Variants in TFCP2L1 observed in about 807,000 individuals in gnomAD.
TFCP2L1 encodes the protein transcription factor CP2-like protein 1.
In TFCP2L1, 12 loss-of-function variants were observed where a neutral mutation model predicts 72.2. The ratio of observed to expected loss-of-function variants is 0.17; its 90% CI spans 0.11 to 0.27. The LOEUF (loss-of-function observed/expected upper bound fraction) is 0.27. TFCP2L1 is among the 10% of genes least tolerant of loss of function. The pLI is 1.00. For synonymous variants in TFCP2L1, 260 were observed against 251.0 expected, an observed-to-expected ratio of 1.04 and a Z score of -0.34; for missense variants, 488 against 624.6, an observed-to-expected ratio of 0.78 and a Z score of 2.33.
At chr2:121,279,963 T>A (rs375719356) in intron 2 of TFCP2L1, among the ~76,000 whole-genome samples, 45 of 152,128 alleles carry the variant, frequency 3.0e-4, no homozygotes, top group African/African-American at 1.0e-3. Context: ...CAAATCCACA[T>A]GATGCCAGGG....
intron 1 of TFCP2L1, among the ~76,000 whole-genome samples, chr2:121,282,005 T>C (rs1687273778): frequency 6.6e-6 from 1 of 151,958 alleles, no homozygotes; most frequent in African/African-American, 2.4e-5. Context: ...TGATCTCGGC[T>C]CACTACAACC....
intron 2 of TFCP2L1, among the ~76,000 whole-genome samples, chr2:121,258,234 C>T (rs569796088): frequency 8.5e-5 from 13 of 152,278 alleles, no homozygotes; most frequent in African/African-American, 2.9e-4. Context: ...AATGGGCCCT[C>T]GCCTCACACA....
intron 1 of TFCP2L1, among the ~76,000 whole-genome samples, chr2:121,283,645 G>C (rs1244619420): frequency 6.6e-6 from 1 of 152,096 alleles, no homozygotes; most frequent in South Asian, 2.1e-4. Context: ...GTTCCCTAAC[G>C]GGGTGAGGAC....
chr2:121,225,910 G>A (rs921718787), intron 13 of TFCP2L1, among the ~76,000 whole-genome samples: 4 of 149,372 alleles, frequency 2.7e-5, no homozygotes, highest in South Asian at 2.1e-4. Flanking sequence ...CCACACACAC[G>A]GGAACGTGGT....
chr2:121,270,812 T>C (rs1687031482), intron 2 of TFCP2L1, among the ~76,000 whole-genome samples: 1 of 151,156 alleles, frequency 6.6e-6, no homozygotes, highest in Admixed American at 6.6e-5. Context: ...TAGGCTGCAG[T>C]GAGCTATGAT....
chr2:121,243,399 T>A (rs888498910), intron 6 of TFCP2L1, among the ~76,000 whole-genome samples: 6 of 152,140 alleles, frequency 3.9e-5, no homozygotes, highest in African/African-American at 9.7e-5. Context: ...TTAGGGAGCA[T>A]CTCTTACAGC....
chr2:121,276,293 C>A (rs1444514671), intron 2 of TFCP2L1, among the ~76,000 whole-genome samples: 2 of 149,940 alleles, frequency 1.3e-5, no homozygotes, highest in Non-Finnish European at 3.0e-5. Flanking sequence ...TCAACTCCCA[C>A]TTATGAGTGA....
At chr2:121,247,499 G>C (rs150565272) in intron 5 of TFCP2L1, among the ~76,000 whole-genome samples, 9 of 151,152 alleles carry the variant, frequency 6.0e-5, no homozygotes, top group Non-Finnish European at 1.3e-4. Flanking sequence ...ATACATAACT[G>C]TAATAATAAC....
chr2:121,275,524 A>G (rs1426088425), intron 2 of TFCP2L1, among the ~76,000 whole-genome samples: 2 of 151,710 alleles, frequency 1.3e-5, no homozygotes, highest in Non-Finnish European at 2.9e-5. Flanking sequence ...CATAAAGCAT[A>G]ATCTCATCCA....
chr2:121,248,893 CG>C, intron 4 of TFCP2L1, 88 bp downstream of exon 4: 1 of 1,070,336 alleles, frequency 9.3e-7, no homozygotes, highest in East Asian at 2.9e-5. Flanking sequence ...AACGCCTTCT[CG>C]GCATAGGTCC....
rs1685979274 is a variant in TFCP2L1, at chr2:121,224,254, A to T, written c.*87T>A. 1.1e-5 allele frequency: 16 copies of T among 1,513,964 alleles called. No individual in the cohort carries two copies. The highest frequency in any genetic ancestry group is 2.0e-4 in the Middle Eastern group (1 of 4,966). The allele number at this position is 1,513,964 out of a possible 1,614,324, so 93.8% of individuals were successfully genotyped here. A position where few individuals can be genotyped will look rare whatever the true frequency, so the allele number is the denominator to read the frequency against. On this transcript the variant is annotated 3_prime_UTR_variant, in exon 15 of 15. Coordinates refer to ENST00000263707, the MANE Select transcript of TFCP2L1 (RefSeq NM_014553.3). ...CCTCCTGGCCTCAGCTTGCCTGGTG[A>T]GGCCACAGCTTACAGTGGGGCAATG...
chr2:121,225,858 C>T lies in TFCP2L1; in HGVS notation c.1342-245G>A, dbSNP rs1035927660. Among the ~76,000 whole-genome samples, 183 of 125,378 alleles carry T rather than the reference C, an allele frequency of 1.5e-3. 1 individual carries two copies. Among genetic ancestry groups the T allele is most frequent in the Middle Eastern group, 4.6e-3 (1 of 218 alleles). The allele number at this position is 125,378 out of a possible 152,430, so 82.3% of individuals were successfully genotyped here. ...CACGGTAAACACCACTGCCACGGTGCCCACACACAAGGGAACACGGTAAAC... is the reference window on the plus strand; with the variant it reads ...CACGGTAAACACCACTGCCACGGTGTCCACACACAAGGGAACACGGTAAAC... On this transcript the variant is annotated intron_variant, in intron 13 of 14. Transcript: ENST00000263707.
At chr2:121,232,191 T>C (rs1257240776) in intron 12 of TFCP2L1, among the ~76,000 whole-genome samples, 1 of 152,172 alleles carries the variant, frequency 6.6e-6, no homozygotes, top group Non-Finnish European at 1.5e-5. Flanking sequence ...TAAGCTGGAG[T>C]GCAGCAGCGT....
intron 2 of TFCP2L1, among the ~76,000 whole-genome samples, chr2:121,259,220 C>CTGCA (rs1384348286): frequency 2.6e-5 from 4 of 151,648 alleles, no homozygotes; most frequent in South Asian, 4.2e-4. Context: ...GAGGCGGAGG[C>CTGCA]TGCAGTGAGC....
intron 7 of TFCP2L1, chr2:121,240,137 G>A (rs1024278588): frequency 3.0e-6 from 3 of 984,722 alleles, no homozygotes; most frequent in South Asian, 9.4e-5. Flanking sequence ...TGACAGGGGC[G>A]GAGGCTCTTG....
At chr2:121,239,715 C>T in intron 7 of TFCP2L1, 66 bp from the exon 8 acceptor site, 3 of 1,479,962 alleles carry the variant, frequency 2.0e-6, no homozygotes, top group Non-Finnish European at 2.8e-6. Flanking sequence ...CCCAGGTCCT[C>T]CCAAGCAGGC....
chr2:121,243,655 T>C (rs1686424536), intron 6 of TFCP2L1, among the ~76,000 whole-genome samples: 1 of 152,042 alleles, frequency 6.6e-6, no homozygotes, highest in South Asian at 2.1e-4. Flanking sequence ...TTTTGTGAAT[T>C]GCACATGCAA....
chr2:121,267,643 G>A (rs553664393), intron 2 of TFCP2L1, among the ~76,000 whole-genome samples: 216 of 152,060 alleles, frequency 1.4e-3, no homozygotes, highest in Non-Finnish European at 2.6e-3. Context: ...ACAGGCATGT[G>A]CCACCATGCC....
Position 121,285,036 on chromosome 2 carries a change from C to A in TFCP2L1, c.62+12G>T. ...CGGCCCGAGACCCGCGGGGACCGCG[C>A]GCGGCCCTTACCGCAGGTAGCTGCC... is the stretch of plus-strand genomic sequence containing the variant. On this transcript the variant is annotated intron_variant, in intron 1 of 14. Transcript: ENST00000263707. The A allele has an allele frequency of 6.7e-7, 1 of 1,490,706 alleles. No individual in the cohort carries two copies. The allele number at this position is 1,490,706 out of a possible 1,614,324, so 92.3% of individuals were successfully genotyped here.
Sources: allele counts gnomAD v4.1 joint callset (sites outside exome capture counted in the v4.1 genomes callset), GRCh38; gene constraint gnomAD v4.1.1; transcripts MANE v1.5; gene names NCBI Gene and HGNC (gene_info 2026-07-23, HGNC 2026-07-21).